The following RIPOR2 variants were observed in gnomAD, a reference collection of about 807,000 sequenced individuals.
RIPOR2 encodes rho family-interacting cell polarization regulator 2.
RIPOR2 carries 39 observed loss-of-function variants against 114.5 expected under a neutral mutation model. The ratio of observed to expected loss-of-function variants is 0.34; its 90% CI spans 0.26 to 0.44. The LOEUF (loss-of-function observed/expected upper bound fraction) is 0.44. RIPOR2 is among the 20% of genes least tolerant of loss of function. The pLI, the probability that RIPOR2 is intolerant of heterozygous loss-of-function variation, is 1.00. For missense variants in RIPOR2, 1,007 were observed against 1,255.1 expected (o/e 0.80, Z 2.99); for synonymous variants, 445 against 484.4 (o/e 0.92, Z 1.07).
At chr6:24,844,620 G>A (rs998008075) in intron 12 of RIPOR2, among the ~76,000 whole-genome samples, 8 of 151,808 alleles carry the variant, frequency 5.3e-5, no homozygotes, top group African/African-American at 9.7e-5. Context: ...ACAGGCATGC[G>A]CCACCACGCC....
At chr6:24,988,259 G>A (rs1278297705) in intron 1 of RIPOR2, among the ~76,000 whole-genome samples, 2 of 151,934 alleles carry the variant, frequency 1.3e-5, no homozygotes, top group Admixed American at 6.6e-5. Flanking sequence ...GCACAATCTC[G>A]ACTGCAACCT....
At chr6:24,824,841 T>A (rs1198128828) in intron 19 of RIPOR2, among the ~76,000 whole-genome samples, 1 of 152,164 alleles carries the variant, frequency 6.6e-6, no homozygotes, top group Non-Finnish European at 1.5e-5. Flanking sequence ...TTCTAGGATA[T>A]TCATACATGG....
At chr6:24,955,909 T>C (rs919762026) in intron 1 of RIPOR2, among the ~76,000 whole-genome samples, 11 of 150,794 alleles carry the variant, frequency 7.3e-5, no homozygotes, top group Non-Finnish European at 8.8e-5. Flanking sequence ...CTTGGGAGGC[T>C]GAGGCAGGAG....
At chr6:24,831,515 AG>A (rs1760690374) in intron 16 of RIPOR2, among the ~76,000 whole-genome samples, 1 of 152,134 alleles carries the variant, frequency 6.6e-6, no homozygotes, top group Non-Finnish European at 1.5e-5. Context: ...CTGGGAGAGG[AG>A]AGGACACAAG....
chr6:25,002,632 C>T (rs1775372105), intron 1 of RIPOR2, among the ~76,000 whole-genome samples: 1 of 152,184 alleles, frequency 6.6e-6, no homozygotes, highest in African/African-American at 2.4e-5. Flanking sequence ...TTAAAGACAA[C>T]CAGGTGTTTT....
At chr6:25,031,744 TA>T (rs1776980873) in intron 1 of RIPOR2, among the ~76,000 whole-genome samples, 3 of 63,368 alleles carry the variant, frequency 4.7e-5, no homozygotes, top group South Asian at 1.1e-3. Context: ...TATATATATA[TA>T]TATATAAAAT....
At chr6:24,847,430 G>C in intron 12 of RIPOR2, 1 of 1,139,402 alleles carries the variant, frequency 8.8e-7, no homozygotes. Context: ...CAGTACAGCT[G>C]TAACCATACC....
chr6:24,808,985 C>T (rs983635363), intron 21 of RIPOR2, among the ~76,000 whole-genome samples: 2 of 152,008 alleles, frequency 1.3e-5, no homozygotes, highest in Non-Finnish European at 2.9e-5. Context: ...GTCTCGAACT[C>T]TTGACCTCAA....
At chr6:25,024,331 C>A (rs1448997008) in intron 1 of RIPOR2, 3 of 1,470,444 alleles carry the variant, frequency 2.0e-6, no homozygotes, top group Non-Finnish European at 2.8e-6. Flanking sequence ...AGTTTCAGTG[C>A]CTTCTTCCTG....
At chr6:24,936,837 A>G (rs1346929338), upstream of RIPOR2, among the ~76,000 whole-genome samples, 2 of 152,214 alleles carry the variant, frequency 1.3e-5, no homozygotes, top group Non-Finnish European at 2.9e-5. Flanking sequence ...ACTGTGTTGT[A>G]AGATCTCTTA....
chr6:24,884,446 TC>T (rs1766629936), intron 1 of RIPOR2, among the ~76,000 whole-genome samples: 1 of 152,030 alleles, frequency 6.6e-6, no homozygotes, highest in Admixed American at 6.6e-5. Flanking sequence ...AATTAAGAAA[TC>T]AAAGTAATGC....
At chr6:24,957,844 C>T (rs1773109029) in intron 1 of RIPOR2, among the ~76,000 whole-genome samples, 1 of 152,154 alleles carries the variant, frequency 6.6e-6, no homozygotes, top group South Asian at 2.1e-4. Context: ...CACTGCACTC[C>T]AGCCTGGGCG....
At chr6:25,021,338 TAA>T (rs1776308017) in intron 1 of RIPOR2, among the ~76,000 whole-genome samples, 1 of 151,448 alleles carries the variant, frequency 6.6e-6, no homozygotes, top group South Asian at 2.1e-4. Context: ...AGACCAGCTC[TAA>T]GAAGAAGGAT....
At chr6:24,841,909 T>C (rs1271573072) in intron 13 of RIPOR2, among the ~76,000 whole-genome samples, 1 of 152,120 alleles carries the variant, frequency 6.6e-6, no homozygotes, top group African/African-American at 2.4e-5. Flanking sequence ...TGAGCCACCA[T>C]GCCCAGCCAG....
chr6:24,946,657 T>C (rs565208891), intron 1 of RIPOR2, among the ~76,000 whole-genome samples: 99 of 152,218 alleles, frequency 6.5e-4, no homozygotes, highest in Non-Finnish European at 6.6e-4. Flanking sequence ...GCAGGACCTG[T>C]AGGGCAGGGA....
At chr6:24,891,722 C>G (rs1380919635) in intron 1 of RIPOR2, among the ~76,000 whole-genome samples, 6 of 152,128 alleles carry the variant, frequency 3.9e-5, no homozygotes, top group Non-Finnish European at 8.8e-5. Flanking sequence ...CCATTGGTTC[C>G]CCTCTCAGAG....
chr6:24,852,742 T>G, intron 8 of RIPOR2, 124 bp from the exon 9 acceptor site: 1 of 622,224 alleles, frequency 1.6e-6, no homozygotes, highest in Non-Finnish European at 2.7e-6. Flanking sequence ...CATAACACTT[T>G]TTGGGGCCAT....
At chr6:25,014,852 G>A (rs2113688365) in intron 1 of RIPOR2, 1 of 152,322 alleles carries the variant, frequency 6.6e-6, no homozygotes, top group South Asian at 2.1e-4. Context: ...GCCCACGAGT[G>A]TGTGAGAAGG....
chr6:24,861,536 T>C (rs73729060), intron 7 of RIPOR2, among the ~76,000 whole-genome samples: 24 of 152,330 alleles, frequency 1.6e-4, no homozygotes, highest in African/African-American at 5.8e-4. Flanking sequence ...TTTTCTTGGT[T>C]GTAGTAATGG....
Sources: allele counts gnomAD v4.1 joint callset (sites outside exome capture counted in the v4.1 genomes callset), GRCh38; gene constraint gnomAD v4.1.1; transcripts MANE v1.5; gene names NCBI Gene and HGNC (gene_info 2026-07-23, HGNC 2026-07-21).